AUTS2: variants seen among roughly 807,000 people sequenced by gnomAD.
AUTS2 encodes the protein activator of transcription and developmental regulator AUTS2, also known as autism susceptibility gene 2 protein.
In AUTS2, 17 loss-of-function variants were observed where a neutral mutation model predicts 112.4. The ratio of observed to expected loss-of-function variants is 0.15; its 90% CI spans 0.10 to 0.23. AUTS2 has a LOEUF of 0.23. AUTS2 is among the 10% of genes least tolerant of loss of function. The probability of loss-of-function intolerance (pLI) is 1.00; values close to 1 mark genes in which losing one functional copy is unlikely to be tolerated. For missense variants in AUTS2, 1,510 were observed against 1,701.6 expected, an observed-to-expected ratio of 0.89 and a Z score of 1.98; for synonymous variants, 751 against 702.7, an observed-to-expected ratio of 1.07 and a Z score of -1.09.
chr7:70,003,575 G>A (rs1274339172), intron 2 of AUTS2, among the ~76,000 whole-genome samples: 1 of 121,284 alleles, frequency 8.2e-6, no homozygotes, highest in Non-Finnish European at 1.6e-5. Context: ...TGTTATATAT[G>A]TATATATAAT....
chr7:69,783,030 C>T (rs910813095), intron 1 of AUTS2, among the ~76,000 whole-genome samples: 4 of 151,866 alleles, frequency 2.6e-5, no homozygotes, highest in African/African-American at 9.7e-5. Flanking sequence ...TGGGCATGCC[C>T]AGCCTTGCCA....
At chr7:70,413,953 G>T (rs1435648723) in intron 4 of AUTS2, among the ~76,000 whole-genome samples, 1 of 152,146 alleles carries the variant, frequency 6.6e-6, no homozygotes, top group East Asian at 1.9e-4. Context: ...GGGATTACAG[G>T]CATGAGCCAC....
At chr7:70,382,487 C>T (rs984486664) in intron 4 of AUTS2, among the ~76,000 whole-genome samples, 2 of 152,106 alleles carry the variant, frequency 1.3e-5, no homozygotes, top group Non-Finnish European at 2.9e-5. Context: ...ATGGAAATTC[C>T]TCTATCTGGC....
At chr7:69,984,741 T>G (rs1231422747) in intron 2 of AUTS2, among the ~76,000 whole-genome samples, 3 of 152,170 alleles carry the variant, frequency 2.0e-5, no homozygotes, top group African/African-American at 7.2e-5. Flanking sequence ...GCAAATTCCC[T>G]TCCACTCCTC....
At chr7:69,769,169 T>C (rs984321465) in intron 1 of AUTS2, among the ~76,000 whole-genome samples, 2 of 152,276 alleles carry the variant, frequency 1.3e-5, no homozygotes, top group Middle Eastern at 3.2e-3. Context: ...AGTGCTGCTG[T>C]CAGTCTGACA....
intron 2 of AUTS2, among the ~76,000 whole-genome samples, chr7:69,934,758 C>T (rs1447414440): frequency 6.6e-6 from 1 of 152,156 alleles, no homozygotes; most frequent in African/African-American, 2.4e-5. Flanking sequence ...GTTCTGAGCT[C>T]CTCTGTTCAA....
At chr7:70,604,108 A>G (rs1803611731) in intron 5 of AUTS2, among the ~76,000 whole-genome samples, 1 of 152,224 alleles carries the variant, frequency 6.6e-6, no homozygotes, top group Non-Finnish European at 1.5e-5. Flanking sequence ...TATCGACTGC[A>G]TGAAATGAAT....
intron 5 of AUTS2, among the ~76,000 whole-genome samples, chr7:70,531,134 G>A (rs1800067558): frequency 2.0e-5 from 3 of 152,238 alleles, no homozygotes; most frequent in Admixed American, 2.0e-4. Context: ...CCTTATTCTT[G>A]AGAAATATTT....
Position 70,135,589 on chromosome 7 carries a change from A to G in AUTS2, c.660+1018A>G, listed in dbSNP as rs182485197. 2.0e-3 allele frequency among the ~76,000 whole-genome samples: 306 copies of G among 152,354 alleles called. 1 individual carries two copies. The highest frequency in any genetic ancestry group is 7.1e-3 in the African/African-American group (297 of 41,590). ...CATTTACATTAAATTTATGGAAACC[A>G]GCATCATTTCATTAATAAATGAGTA... is the stretch of plus-strand genomic sequence containing the variant. On this transcript the variant is annotated intron_variant, in intron 4 of 18. Coordinates refer to ENST00000342771, the MANE Select transcript of AUTS2 (RefSeq NM_015570.4).
intron 4 of AUTS2, among the ~76,000 whole-genome samples, chr7:70,295,289 C>T (rs1403643055): frequency 6.6e-6 from 1 of 152,116 alleles, no homozygotes; most frequent in East Asian, 1.9e-4. Context: ...GTACTTTATT[C>T]TGATCAGAGT....
chr7:70,785,912 G>A, intron 16 of AUTS2, 43 bp from the exon 17 acceptor site: 2 of 1,596,630 alleles, frequency 1.3e-6, no homozygotes, highest in Middle Eastern at 2.0e-4. Context: ...TCCTCTCCCA[G>A]CAGAGCCCCT....
intron 4 of AUTS2, among the ~76,000 whole-genome samples, chr7:70,405,469 A>C (rs925783663): frequency 6.6e-6 from 1 of 152,252 alleles, no homozygotes; most frequent in Admixed American, 6.5e-5. Flanking sequence ...CAGAATGACT[A>C]AACTTTAAAG....
chr7:70,184,594 T>G (rs937348331), intron 4 of AUTS2, among the ~76,000 whole-genome samples: 3 of 152,324 alleles, frequency 2.0e-5, no homozygotes. Context: ...TGAAATGAGA[T>G]CTTAACATGT....
intron 4 of AUTS2, among the ~76,000 whole-genome samples, chr7:70,204,718 C>T (rs147152667): frequency 6.6e-5 from 10 of 152,156 alleles, no homozygotes; most frequent in Admixed American, 2.0e-4. Flanking sequence ...TCCCAAGGGC[C>T]TATCATAAGC....
At chr7:69,663,980 A>G (rs968051448) in intron 1 of AUTS2, among the ~76,000 whole-genome samples, 3 of 152,174 alleles carry the variant, frequency 2.0e-5, no homozygotes, top group African/African-American at 7.2e-5. Context: ...TTAAACTCAT[A>G]TTTTATCCTC....
intron 6 of AUTS2, among the ~76,000 whole-genome samples, chr7:70,709,668 C>T (rs562798165): frequency 3.3e-5 from 5 of 152,252 alleles, no homozygotes; most frequent in South Asian, 2.1e-4. Context: ...CGGAGATAGG[C>T]GCTACCACAC....
intron 2 of AUTS2, among the ~76,000 whole-genome samples, chr7:70,030,979 A>G (rs989062337): frequency 6.6e-6 from 1 of 152,146 alleles, no homozygotes; most frequent in Non-Finnish European, 1.5e-5. Flanking sequence ...TCTGTGGTGT[A>G]AAACTATCTT....
At chr7:70,771,359 C>CT (rs766659251) in intron 10 of AUTS2, 190 bp from the exon 11 acceptor site, 15 of 458,260 alleles carry the variant, frequency 3.3e-5, no homozygotes, top group Middle Eastern at 4.0e-4. Context: ...TCCTGAACTA[C>CT]TTTTAACTTT....
chr7:69,899,226 G>A, intron 1 of AUTS2, 60 bp from the exon 2 acceptor site: 2 of 1,280,484 alleles, frequency 1.6e-6, no homozygotes, highest in Non-Finnish European at 2.3e-6. Context: ...CTATATTTTG[G>A]GTGTGACCCT....
Sources: gnomAD v4.1 joint callset for allele counts (sites outside exome capture counted in the v4.1 genomes callset) on GRCh38, gnomAD v4.1.1 for gene constraint, MANE v1.5 for transcripts, NCBI Gene and HGNC (gene_info 2026-07-23, HGNC 2026-07-21) for gene names.